NRG3: variants seen among roughly 807,000 people sequenced by gnomAD.
The protein encoded by NRG3 is pro-neuregulin-3, membrane-bound isoform.
A neutral mutation model predicts 66.9 loss-of-function variants in NRG3; 31 were observed. The observed-to-expected ratio is 0.46, with a 90% CI of 0.35 to 0.63. The LOEUF is 0.63. Ranked by LOEUF, NRG3 falls within the 20% of genes least tolerant of loss-of-function variation. The pLI, the probability that NRG3 is intolerant of heterozygous loss-of-function variation, is 0.00. For synonymous variants in NRG3, 393 were observed against 359.4 expected, an observed-to-expected ratio of 1.09 and a Z score of -1.06; for missense variants, 910 against 878.9, an observed-to-expected ratio of 1.04 and a Z score of -0.45.
At chr10:82,863,625 T>C (rs910507393) in intron 3 of NRG3, among the ~76,000 whole-genome samples, 1 of 152,200 alleles carries the variant, frequency 6.6e-6, no homozygotes, top group Non-Finnish European at 1.5e-5. Context: ...ATGAGCTTTT[T>C]TTCATATGTT....
chr10:82,890,264 A>G (rs1183013708), intron 4 of NRG3, among the ~76,000 whole-genome samples: 1 of 152,158 alleles, frequency 6.6e-6, no homozygotes, highest in Non-Finnish European at 1.5e-5. Flanking sequence ...GTTATAAAGG[A>G]CAAATCCGTG....
At chr10:82,149,702 G>T (rs1447895068) in intron 1 of NRG3, among the ~76,000 whole-genome samples, 5 of 145,574 alleles carry the variant, frequency 3.4e-5, no homozygotes, top group Admixed American at 6.8e-5. Context: ...AATTTAGAAA[G>T]CTCTGTTTTT....
At chr10:82,624,527 C>A (rs2133652606) in intron 2 of NRG3, among the ~76,000 whole-genome samples, 1 of 152,012 alleles carries the variant, frequency 6.6e-6, no homozygotes, top group South Asian at 2.1e-4. Flanking sequence ...TGCATGGTAA[C>A]CTCATACTCT....
chr10:82,253,502 C>T (rs1251233220), intron 1 of NRG3, among the ~76,000 whole-genome samples: 1 of 152,156 alleles, frequency 6.6e-6, no homozygotes, highest in Non-Finnish European at 1.5e-5. Context: ...CGAGCTCACT[C>T]TCCCACCTTT....
chr10:82,471,097 A>C (rs1320083230), intron 2 of NRG3, among the ~76,000 whole-genome samples: 1 of 152,132 alleles, frequency 6.6e-6, no homozygotes, highest in Non-Finnish European at 1.5e-5. Flanking sequence ...GATCCTTGTC[A>C]CATGACCATG....
chr10:82,420,725 T>G (rs1178982056), intron 2 of NRG3, among the ~76,000 whole-genome samples: 1 of 152,134 alleles, frequency 6.6e-6, no homozygotes, highest in African/African-American at 2.4e-5. Context: ...TGCTTAATAA[T>G]TTTTTAGAAA....
chr10:82,430,938 T>G (rs1039394217), intron 2 of NRG3, among the ~76,000 whole-genome samples: 2 of 152,202 alleles, frequency 1.3e-5, no homozygotes, highest in Non-Finnish European at 2.9e-5. Flanking sequence ...ACAGTCAGTG[T>G]GAGATGTTAT....
intron 1 of NRG3, among the ~76,000 whole-genome samples, chr10:82,158,061 A>G (rs1466717496): frequency 2.0e-5 from 3 of 151,722 alleles, no homozygotes; most frequent in African/African-American, 4.8e-5. Flanking sequence ...AAACACTCCT[A>G]TCAAGGTAGT....
At chr10:82,971,290 T>A (rs901139487) in intron 6 of NRG3, among the ~76,000 whole-genome samples, 1 of 152,180 alleles carries the variant, frequency 6.6e-6, no homozygotes, top group Non-Finnish European at 1.5e-5. Context: ...ATATCACTTC[T>A]CTTTATCAAA....
intron 1 of NRG3, among the ~76,000 whole-genome samples, chr10:82,059,109 C>T (rs1024044010): frequency 7.3e-5 from 11 of 151,656 alleles, no homozygotes; most frequent in East Asian, 1.9e-4. Context: ...AGAATGAAGC[C>T]GGACAGGAAC....
chr10:82,206,989 T>G (rs2075151168), intron 1 of NRG3, among the ~76,000 whole-genome samples: 1 of 152,190 alleles, frequency 6.6e-6, no homozygotes, highest in African/African-American at 2.4e-5. Flanking sequence ...CTGCTGTGAC[T>G]CATACTTTCT....
At chr10:82,650,044 A>G (rs1041624380) in intron 2 of NRG3, among the ~76,000 whole-genome samples, 3 of 152,200 alleles carry the variant, frequency 2.0e-5, no homozygotes, top group Non-Finnish European at 4.4e-5. Context: ...GACCCTGTTC[A>G]GTCAATCAAG....
intron 1 of NRG3, among the ~76,000 whole-genome samples, chr10:82,059,246 A>G (rs1034323891): frequency 6.6e-6 from 1 of 152,192 alleles, no homozygotes; most frequent in South Asian, 2.1e-4. Context: ...AGCACTTTTT[A>G]TACTGGATAG....
Position 82,160,235 on chromosome 10 carries a change from G to A in NRG3, c.824-198504G>A, listed in dbSNP as rs904065102. On this transcript the variant is annotated intron_variant, in intron 1 of 8. Transcript: ENST00000372141. ...CAGTGGTTTTCTGATAGAAGATAATGCACTTATTCTGAAGTCCTGTCCCCT... is the reference window on the plus strand; with the variant it reads ...CAGTGGTTTTCTGATAGAAGATAATACACTTATTCTGAAGTCCTGTCCCCT... Among the ~76,000 whole-genome samples the A allele has an allele frequency of 7.2e-5, 11 of 151,908 alleles. No individual in the cohort carries two copies. In the East Asian group the frequency reaches 9.7e-4, roughly 13 times the overall value.
intron 1 of NRG3, among the ~76,000 whole-genome samples, chr10:82,157,396 C>A (rs950622608): frequency 2.6e-5 from 4 of 151,678 alleles, no homozygotes; most frequent in African/African-American, 7.2e-5. Flanking sequence ...CCAAAGGAAT[C>A]GGTTGCTGTC....
At chr10:82,040,126 A>G (rs1245330358) in intron 1 of NRG3, among the ~76,000 whole-genome samples, 3 of 152,110 alleles carry the variant, frequency 2.0e-5, no homozygotes, top group Non-Finnish European at 4.4e-5. Context: ...AGGTGAATAC[A>G]TTGCTCTGCC....
chr10:82,438,325 G>T (rs1590131380), intron 2 of NRG3, among the ~76,000 whole-genome samples: 1 of 152,358 alleles, frequency 6.6e-6, no homozygotes, highest in South Asian at 2.1e-4. Flanking sequence ...GAGGCCCTCT[G>T]GCCACAGACT....
intron 3 of NRG3, among the ~76,000 whole-genome samples, chr10:82,781,781 C>T (rs1285438009): frequency 6.6e-6 from 1 of 151,946 alleles, no homozygotes; most frequent in Non-Finnish European, 1.5e-5. Context: ...ACTCCTGTTT[C>T]CTGAAGAGTG....
At chr10:82,979,695 C>A (rs1852648098) in intron 8 of NRG3, among the ~76,000 whole-genome samples, 1 of 152,128 alleles carries the variant, frequency 6.6e-6, no homozygotes, top group East Asian at 1.9e-4. Context: ...GTGTCCCTTC[C>A]TCTGGTGGAC....
Sources: gnomAD v4.1 joint callset for allele counts (sites outside exome capture counted in the v4.1 genomes callset) on GRCh38, gnomAD v4.1.1 for gene constraint, MANE v1.5 for transcripts, NCBI Gene and HGNC (gene_info 2026-07-23, HGNC 2026-07-21) for gene names.